Variants in HTR1F observed in about 807,000 individuals in gnomAD.
The protein encoded by HTR1F is 5-hydroxytryptamine (serotonin) receptor 1F, G protein-coupled.
HTR1F carries 17 observed loss-of-function variants against 24.0 expected under a neutral mutation model. The observed-to-expected ratio is 0.71, with a 90% confidence interval of 0.48 to 1.06. The LOEUF (loss-of-function observed/expected upper bound fraction) is 1.06. HTR1F is among the 50% of genes least tolerant of loss of function. HTR1F has a pLI of 0.00. For missense variants in HTR1F, 391 were observed against 427.8 expected, an observed-to-expected ratio of 0.91 and a Z score of 0.76; for synonymous variants, 186 against 156.8, an observed-to-expected ratio of 1.19 and a Z score of -1.39.
intron 2 of HTR1F, among the ~76,000 whole-genome samples, chr3:87,874,188 C>T (rs1330199487): frequency 1.3e-5 from 2 of 151,928 alleles, no homozygotes; most frequent in Admixed American, 6.6e-5. Context: ...ATAAATGTAT[C>T]TCTGTTCACA....
chr3:87,803,737 G>T (rs1424700517), intron 1 of HTR1F, among the ~76,000 whole-genome samples: 1 of 152,160 alleles, frequency 6.6e-6, no homozygotes, highest in Non-Finnish European at 1.5e-5. Context: ...CTTCTGCCCA[G>T]TGTACAAACA....
chr3:87,837,652 AC>A (rs772728355), intron 2 of HTR1F, among the ~76,000 whole-genome samples: 10 of 152,130 alleles, frequency 6.6e-5, no homozygotes, highest in Non-Finnish European at 1.5e-4. Context: ...AGATGAATAT[AC>A]AGAATTCTAA....
intron 2 of HTR1F, among the ~76,000 whole-genome samples, chr3:87,888,486 AAATAG>A (rs562260720): frequency 1.8e-3 from 269 of 152,182 alleles, no homozygotes; most frequent in African/African-American, 3.1e-3. Flanking sequence ...AAATAAAATA[AAATAG>A]AAGTATGAAA....
At chr3:87,973,312 C>T (rs574484113) in intron 2 of HTR1F, among the ~76,000 whole-genome samples, 1 of 152,274 alleles carries the variant, frequency 6.6e-6, no homozygotes, top group African/African-American at 2.4e-5. Flanking sequence ...TCCTCAACTG[C>T]CATAACCTAT....
chr3:87,830,623 CA>C (rs1261693824), intron 2 of HTR1F, among the ~76,000 whole-genome samples: 1 of 151,992 alleles, frequency 6.6e-6, no homozygotes, highest in Non-Finnish European at 1.5e-5. Context: ...TTAGTGGCAG[CA>C]AAATGGATTT....
chr3:87,869,080 A>G (rs1261695544), intron 2 of HTR1F, among the ~76,000 whole-genome samples: 1 of 152,050 alleles, frequency 6.6e-6, no homozygotes, highest in East Asian at 1.9e-4. Context: ...GAAGAAAGTA[A>G]CTGCCCTCAA....
At chr3:87,899,688 C>T (rs1018663105) in intron 2 of HTR1F, among the ~76,000 whole-genome samples, 5 of 151,982 alleles carry the variant, frequency 3.3e-5, no homozygotes, top group African/African-American at 1.2e-4. Context: ...CATAGTGAAA[C>T]CCCGTCCGTA....
chr3:87,860,784 CTCAT>C (rs1450400844), intron 2 of HTR1F, among the ~76,000 whole-genome samples: 2 of 152,134 alleles, frequency 1.3e-5, no homozygotes, highest in South Asian at 2.1e-4. Context: ...AATCCTTAGA[CTCAT>C]TGTTAGTAAG....
intron 2 of HTR1F, among the ~76,000 whole-genome samples, chr3:87,915,078 G>A (rs930697600): frequency 6.6e-6 from 1 of 152,146 alleles, no homozygotes; most frequent in Non-Finnish European, 1.5e-5. Context: ...AATTTGGTGG[G>A]TGGTTAGATC....
At chr3:87,919,947 T>C (rs917110498) in intron 2 of HTR1F, among the ~76,000 whole-genome samples, 4 of 151,538 alleles carry the variant, frequency 2.6e-5, no homozygotes, top group African/African-American at 4.8e-5. Context: ...AATTTGCAAT[T>C]GCAATAATGT....
At chr3:87,886,711 A>C (rs1258017959) in intron 2 of HTR1F, among the ~76,000 whole-genome samples, 7 of 152,036 alleles carry the variant, frequency 4.6e-5, no homozygotes, top group Non-Finnish European at 7.4e-5. Context: ...CAGCCAAATC[A>C]TGACTGAACA....
At chr3:87,831,833 T>C (rs961140459) in intron 2 of HTR1F, among the ~76,000 whole-genome samples, 1 of 152,180 alleles carries the variant, frequency 6.6e-6, no homozygotes, top group African/African-American at 2.4e-5. Flanking sequence ...AATCAAGAAA[T>C]TGAATAATAT....
At chr3:87,835,574 C>G (rs1704667435) in intron 2 of HTR1F, among the ~76,000 whole-genome samples, 1 of 152,152 alleles carries the variant, frequency 6.6e-6, no homozygotes, top group South Asian at 2.1e-4. Flanking sequence ...CACAATAGAC[C>G]ATGCATATAA....
intron 2 of HTR1F, among the ~76,000 whole-genome samples, chr3:87,969,048 G>C (rs1162882751): frequency 2.6e-5 from 4 of 152,236 alleles, no homozygotes; most frequent in Non-Finnish European, 5.9e-5. Context: ...CAAAAATTGA[G>C]GTTTGGAAAC....
chr3:87,929,225 G>C lies in HTR1F; in HGVS notation c.-42-61483G>C, dbSNP rs116683399. Among the ~76,000 whole-genome samples, 606 of 152,216 alleles carry C rather than the reference G, an allele frequency of 4.0e-3. 6 individuals are homozygous for C. The highest frequency in any genetic ancestry group is 0.014 in the African/African-American group (586 of 41,526). On this transcript the variant is annotated intron_variant, in intron 2 of 2. Transcript: ENST00000319595. Reference sequence around the variant, plus strand: ...AACAGCCAAGAACAGAAAGCACATGGCACCTGGCATGTCACTAGTAGAGAA... The same window carrying C: ...AACAGCCAAGAACAGAAAGCACATGCCACCTGGCATGTCACTAGTAGAGAA...
intron 2 of HTR1F, among the ~76,000 whole-genome samples, chr3:87,837,826 C>T (rs142493527): frequency 1.3e-5 from 2 of 152,048 alleles, no homozygotes; most frequent in African/African-American, 4.8e-5. Context: ...ATTACAGCTC[C>T]TCCTTGACTT....
intron 2 of HTR1F, among the ~76,000 whole-genome samples, chr3:87,909,191 G>A (rs1308834149): frequency 6.6e-6 from 1 of 151,972 alleles, no homozygotes; most frequent in Admixed American, 6.6e-5. Context: ...AAAGGAGATA[G>A]CATATGGTGT....
chr3:87,910,616 A>G (rs1442136765), intron 2 of HTR1F, among the ~76,000 whole-genome samples: 1 of 152,008 alleles, frequency 6.6e-6, no homozygotes, highest in Non-Finnish European at 1.5e-5. Flanking sequence ...ATTGGACCAA[A>G]TGGATCTTAT....
intron 2 of HTR1F, among the ~76,000 whole-genome samples, chr3:87,852,932 A>G (rs1314989595): frequency 1.3e-5 from 2 of 150,496 alleles, no homozygotes; most frequent in South Asian, 2.1e-4. Flanking sequence ...ATAGTTTTCT[A>G]TAATCTGACA....
Sources: allele counts gnomAD v4.1 joint callset (sites outside exome capture counted in the v4.1 genomes callset), GRCh38; gene constraint gnomAD v4.1.1; transcripts MANE v1.5; gene names NCBI Gene and HGNC (gene_info 2026-07-23, HGNC 2026-07-21).